LRP5: variants seen among roughly 807,000 people sequenced by gnomAD.
LRP5 encodes low-density lipoprotein receptor-related protein 5.
A neutral mutation model predicts 154.1 loss-of-function variants in LRP5; 62 were observed. The observed-to-expected ratio is 0.40, with a 90% confidence interval of 0.33 to 0.50. The LOEUF (loss-of-function observed/expected upper bound fraction) is 0.50, where lower values mean the gene tolerates loss of function less well. Ranked by LOEUF, LRP5 falls within the 20% of genes least tolerant of loss-of-function variation. LRP5 has a pLI of 0.55. For missense variants in LRP5, 1,915 were observed against 2,336.7 expected (o/e 0.82, Z 3.72); for synonymous variants, 966 against 1,011.5 (o/e 0.96, Z 0.85).
rs1248721642 is a variant in LRP5, at chr11:68,386,878, G to A, written c.1412+166G>A. Among the ~76,000 whole-genome samples the A allele has an allele frequency of 6.6e-6, 1 of 152,236 alleles. No homozygotes were observed. The highest frequency in any genetic ancestry group is 1.5e-5 in the Non-Finnish European group (1 of 68,030). ...GCCCCACCCCCAGAGCGGTGATTCAGGAGCTCCAGGGCGGGGCTGAAGACT... is the reference window on the plus strand; with the variant it reads ...GCCCCACCCCCAGAGCGGTGATTCAAGAGCTCCAGGGCGGGGCTGAAGACT... On this transcript the variant is annotated intron_variant, in intron 6 of 22. Coordinates refer to ENST00000294304, the MANE Select transcript of LRP5 (RefSeq NM_002335.4). This position sits in a 1 kb window ranked among gnomAD's most constrained non-coding sequence, Gnocchi z 7.9.
At chr11:68,428,175 A>T (rs919798389) in intron 16 of LRP5, among the ~76,000 whole-genome samples, 1 of 151,574 alleles carries the variant, frequency 6.6e-6, no homozygotes, top group Non-Finnish European at 1.5e-5. Context: ...TTGTATTTTT[A>T]GTAGAGACGG....
intron 13 of LRP5, among the ~76,000 whole-genome samples, chr11:68,420,332 T>C (rs2153171357): frequency 6.6e-6 from 1 of 152,360 alleles, no homozygotes; most frequent in South Asian, 2.1e-4. Flanking sequence ...CTGGCTTCTT[T>C]CATGTGACAT....
chr11:68,354,077 G>A (rs975073338), intron 2 of LRP5, among the ~76,000 whole-genome samples: 1 of 152,182 alleles, frequency 6.6e-6, no homozygotes, highest in African/African-American at 2.4e-5. Flanking sequence ...AGTGGCCCCC[G>A]GGTCTCAAAT....
At chr11:68,347,646 G>A (rs1002994089) in intron 1 of LRP5, among the ~76,000 whole-genome samples, 4 of 152,224 alleles carry the variant, frequency 2.6e-5, no homozygotes, top group Non-Finnish European at 5.9e-5. Flanking sequence ...TGTTTGCTGC[G>A]CTGCAGGAGC....
At chr11:68,362,436 A>C (rs2098628591) in intron 3 of LRP5, among the ~76,000 whole-genome samples, 1 of 152,188 alleles carries the variant, frequency 6.6e-6, no homozygotes. Flanking sequence ...TAATCCCAGC[A>C]CTTTGAGAGG....
Position 68,411,549 on chromosome 11 carries a change from T to C in LRP5, c.2432T>C (p.Ile811Thr), listed in dbSNP as rs1261083418. Residue 811 changes from isoleucine (I) to threonine (T), a missense_variant, in exon 11 of 23, where the codon ATT becomes ACT. By Grantham distance (89) the Ile-to-Thr change is moderately conservative. Around this residue, in one of 3 missense-constraint regions of LRP5, gnomAD observed 1,094 missense variants for 1,210.1 expected, o/e 0.90. Coordinates refer to ENST00000294304, the MANE Select transcript of LRP5 (RefSeq NM_002335.4). Reference sequence around the variant, plus strand: ...GTGGGCCGGGCCAACGACCTCACCATTGACTACGCTGACCAGCGCCTCTAC... The same window carrying C: ...GTGGGCCGGGCCAACGACCTCACCACTGACTACGCTGACCAGCGCCTCTAC... ...DKVGRANDLT[I>T]DYADQRLYWT... The C allele has an allele frequency of 1.2e-6, 2 of 1,613,824 alleles. No individual in the cohort carries two copies. Among genetic ancestry groups the C allele is most frequent in the Non-Finnish European group, 8.5e-7 (1 of 1,180,018 alleles).
intron 5 of LRP5, among the ~76,000 whole-genome samples, chr11:68,371,696 C>G (rs1184968654): frequency 6.6e-6 from 1 of 152,270 alleles, no homozygotes; most frequent in Non-Finnish European, 1.5e-5. Flanking sequence ...TGAAAACTAC[C>G]TGGAGCTGCT....
chr11:68,323,255 C>T (rs2098597768), intron 1 of LRP5, among the ~76,000 whole-genome samples: 1 of 151,908 alleles, frequency 6.6e-6, no homozygotes, highest in South Asian at 2.1e-4. Context: ...ATTACAGGCA[C>T]CCGCCACCAT....
At chr11:68,304,173 G>A in the LRP5 span, among the ~76,000 whole-genome samples, 5,128 of 152,024 alleles carry the variant, frequency 0.034, 263 homozygotes, top group African/African-American at 0.12. Flanking sequence ...TCATTGTCCA[G>A]GCACAGGGCC....
At chr11:68,356,552 C>T (rs1466125839) in intron 2 of LRP5, among the ~76,000 whole-genome samples, 1 of 152,216 alleles carries the variant, frequency 6.6e-6, no homozygotes, top group African/African-American at 2.4e-5. Context: ...ACCCACACAG[C>T]CTTCCCAACT....
chr11:68,412,113 C>T (rs966227496), intron 11 of LRP5, among the ~76,000 whole-genome samples: 1 of 152,188 alleles, frequency 6.6e-6, no homozygotes, highest in Non-Finnish European at 1.5e-5. Context: ...GGCTGGTGCT[C>T]TCATCTCCTT....
chr11:68,425,604 T>G (rs2153174182), intron 15 of LRP5, among the ~76,000 whole-genome samples: 1 of 152,276 alleles, frequency 6.6e-6, no homozygotes, highest in South Asian at 2.1e-4. Context: ...CTCTGGACTG[T>G]GTTAGGCTGC....
At chr11:68,439,592 G>T (rs2098676986) in intron 20 of LRP5, among the ~76,000 whole-genome samples, 185 bp from the exon 21 acceptor site, 5 of 152,190 alleles carry the variant, frequency 3.3e-5, no homozygotes, top group Admixed American at 3.3e-4. Context: ...ATGAGCCCCG[G>T]GGAGCTCACT....
chr11:68,439,678 T>A (rs2098677032), intron 20 of LRP5, 99 bp from the exon 21 acceptor site: 2 of 1,289,054 alleles, frequency 1.6e-6, no homozygotes, highest in African/African-American at 1.5e-5. Context: ...CTGGTCTGAG[T>A]CTCGTGGGTA....
intron 1 of LRP5, among the ~76,000 whole-genome samples, chr11:68,319,056 C>T (rs2153113336): frequency 6.6e-6 from 1 of 151,488 alleles, no homozygotes. Context: ...CCTCACCCCA[C>T]CGTGCCTGGC....
intron 21 of LRP5, among the ~76,000 whole-genome samples, chr11:68,440,322 G>A (rs972800003): frequency 1.3e-5 from 2 of 152,142 alleles, no homozygotes; most frequent in African/African-American, 4.8e-5. Context: ...GCTGCTTCCT[G>A]GAAAACAGCT....
chr11:68,331,445 G>A lies in LRP5; in HGVS notation c.92-16402G>A, dbSNP rs1591182988. On this transcript the variant is annotated intron_variant, in intron 1 of 22. Coordinates refer to ENST00000294304, the MANE Select transcript of LRP5 (RefSeq NM_002335.4). ...ACAGCTGCCTCCCCGCCTGCCCCAG[G>A]GCCTTGGTGTCAGGGCCATAGCCCC... Among the ~76,000 whole-genome samples the A allele has an allele frequency of 6.6e-5, 10 of 152,338 alleles. No homozygotes were observed. In the South Asian group the frequency reaches 2.1e-3, roughly 32 times the overall value.
chr11:68,410,425 G>A (rs780820003), intron 10 of LRP5, among the ~76,000 whole-genome samples: 3 of 152,174 alleles, frequency 2.0e-5, no homozygotes, highest in Admixed American at 6.5e-5. Context: ...TATCTGTGTC[G>A]ATTTTACAGA....
chr11:68,403,151 A>C (rs1318352390), intron 7 of LRP5, among the ~76,000 whole-genome samples: 3 of 152,308 alleles, frequency 2.0e-5, no homozygotes, highest in East Asian at 3.9e-4. Flanking sequence ...AGGCTGAGGC[A>C]GGAGAATCGC....
Sources: allele counts gnomAD v4.1 joint callset (sites outside exome capture counted in the v4.1 genomes callset), GRCh38; gene constraint gnomAD v4.1.1; regional missense constraint gnomAD v4.1.1; non-coding constraint Gnocchi (gnomAD v3.1); transcripts MANE v1.5; gene names NCBI Gene and HGNC (gene_info 2026-07-23, HGNC 2026-07-21).